Variants in SLC66A1 observed in about 807,000 individuals in gnomAD.
The protein encoded by SLC66A1 is lysosomal amino acid transporter 1 homolog.
Under a neutral mutation model 33.0 loss-of-function variants are expected in SLC66A1, and 23 were observed. The ratio of observed to expected loss-of-function variants is 0.70; its 90% CI spans 0.50 to 0.99. The LOEUF is 0.99. SLC66A1 is among the 50% of genes least tolerant of loss of function. The probability of loss-of-function intolerance (pLI) is 0.00; values close to 1 mark genes in which losing one functional copy is unlikely to be tolerated. For missense variants in SLC66A1, 335 were observed against 383.6 expected, an observed-to-expected ratio of 0.87 and a Z score of 1.06; for synonymous variants, 164 against 175.5, an observed-to-expected ratio of 0.93 and a Z score of 0.52.
In SLC66A1 at chr1:19,316,410, G is replaced by C. The variant is rs116333818; in HGVS notation, c.-78-1190G>C. ...GTGTGTGTGTTTTCTTTTAAGACAG[G>C]GTTCAGCTCTGTCGCCCAGGCTGGA... On this transcript the variant is annotated intron_variant, in intron 1 of 7. Transcript: ENST00000375153. Among the ~76,000 whole-genome samples, 656 of 149,538 alleles carry C rather than the reference G, an allele frequency of 4.4e-3. 3 individuals are homozygous for C. Among genetic ancestry groups the C allele is most frequent in the African/African-American group, 0.015 (618 of 40,502 alleles).
At chr1:19,330,126 C>T (rs2093888504), downstream of SLC66A1, among the ~76,000 whole-genome samples, 3 of 152,192 alleles carry the variant, frequency 2.0e-5, no homozygotes, top group African/African-American at 7.2e-5. Context: ...ACCACCATGC[C>T]TGGCTCCAGA....
In SLC66A1 at chr1:19,328,607, C is replaced by T. The variant is rs574416915; in HGVS notation, c.840C>T (p.Thr280=). ...AGTTCCTGGTGTACAGGCGCAGCAC[C>T]GCCGCCTCGGAGCTTGAGCCCCTCC... ...SIQFLVYRRS[T]AASELEPLLP... Residue 280 remains threonine (T), a synonymous_variant, in exon 8 of 8, where the codon ACC becomes ACT. Transcript: ENST00000375153. This position sits in a 1 kb window ranked among gnomAD's most constrained non-coding sequence, Gnocchi z 4.7. The T allele has an allele frequency of 1.1e-5, 17 of 1,613,750 alleles. No homozygotes were observed. In the South Asian group the frequency reaches 1.2e-4, roughly 11 times the overall value.
At chr1:19,323,473 C>T (rs1223763322) in intron 2 of SLC66A1, among the ~76,000 whole-genome samples, 1 of 151,462 alleles carries the variant, frequency 6.6e-6, no homozygotes, top group Non-Finnish European at 1.5e-5. Flanking sequence ...GTGGTGTGAT[C>T]TCGGCTTACT....
chr1:19,319,927 A>C (rs1267414791), intron 2 of SLC66A1, among the ~76,000 whole-genome samples: 5 of 147,994 alleles, frequency 3.4e-5, no homozygotes, highest in African/African-American at 5.0e-5. Flanking sequence ...ACAAGGTCTC[A>C]CTCTGGTCCC....
Position 19,326,231 on chromosome 1 carries a change from T to G in SLC66A1, c.383-14T>G, listed in dbSNP as rs911652660. The G allele has an allele frequency of 2.5e-6, 4 of 1,592,612 alleles. No individual in the cohort carries two copies. In the African/African-American group the frequency reaches 5.4e-5, roughly 21 times the overall value. On this transcript the variant is annotated splice_polypyrimidine_tract_variant and intron_variant, in intron 4 of 7. Coordinates refer to ENST00000375153, the MANE Select transcript of SLC66A1 (RefSeq NM_001040125.2). ...CAGCCATCTAACCTCAGCTTCCCCC[T>G]GCCTTGTGTGCAGTGTCTGCCCCCA... is the stretch of plus-strand genomic sequence containing the variant.
chr1:19,315,147 G>A (rs1219557004), intron 1 of SLC66A1, among the ~76,000 whole-genome samples: 1 of 152,216 alleles, frequency 6.6e-6, no homozygotes, highest in African/African-American at 2.4e-5. Flanking sequence ...GAGCTCAAGT[G>A]ATCCAACTGC....
intron 3 of SLC66A1, among the ~76,000 whole-genome samples, chr1:19,325,236 T>C (rs1477694645): frequency 6.6e-6 from 1 of 152,176 alleles, no homozygotes; most frequent in Non-Finnish European, 1.5e-5. Context: ...AGTCCCACTT[T>C]GTCCTGACTG....
chr1:19,316,429 G>A (rs1364072248), intron 1 of SLC66A1, among the ~76,000 whole-genome samples: 1 of 151,524 alleles, frequency 6.6e-6, no homozygotes, highest in Non-Finnish European at 1.5e-5. Flanking sequence ...CTGTCGCCCA[G>A]GCTGGAGTGC....
At chr1:19,325,889 G>A (rs2093863326) in intron 4 of SLC66A1, among the ~76,000 whole-genome samples, 1 of 152,222 alleles carries the variant, frequency 6.6e-6, no homozygotes, top group Non-Finnish European at 1.5e-5. Context: ...GGGGAAACGA[G>A]GGCAAGTCAC....
At chr1:19,333,737 A>T (rs1038100208), downstream of SLC66A1, among the ~76,000 whole-genome samples, 2 of 152,134 alleles carry the variant, frequency 1.3e-5, no homozygotes, top group Admixed American at 1.3e-4. The surrounding 1 kb of genome is among the most constrained non-coding windows in gnomAD (Gnocchi z 4.2). Context: ...GGATTGCGTA[A>T]GCTGAGTTCA....
At chr1:19,321,562 A>G (rs140268692) in intron 2 of SLC66A1, among the ~76,000 whole-genome samples, 1,694 of 139,876 alleles carry the variant, frequency 0.012, 24 homozygotes, top group Middle Eastern at 0.033. Context: ...TAGGAGTCCA[A>G]CCTCATTTTT....
chr1:19,328,083 G>A lies in SLC66A1; in HGVS notation c.805-489G>A, dbSNP rs951066499. 2.3e-5 allele frequency: 6 copies of A among 257,702 alleles called. No homozygotes were observed. Among genetic ancestry groups the A allele is most frequent in the Admixed American group, 1.5e-4 (3 of 19,386 alleles). The allele number at this position is 257,702 out of a possible 1,614,324, so 16.0% of individuals were successfully genotyped here. ...CTGGAAACACTCCCCACAGGACCCC[G>A]TTTTCAGTGAGGGCTCAGAAAGTGT... On this transcript the variant is annotated intron_variant, in intron 7 of 7. Transcript: ENST00000375153. The surrounding 1 kb of genome is among the most constrained non-coding windows in gnomAD (Gnocchi z 4.7).
intron 6 of SLC66A1, 125 bp downstream of exon 6, chr1:19,326,748 C>A: frequency 9.5e-7 from 1 of 1,047,670 alleles, no homozygotes. Flanking sequence ...TCTACTCCCG[C>A]TGTTGGCTTG....
chr1:19,319,021 C>T (rs1457491752), intron 2 of SLC66A1, among the ~76,000 whole-genome samples: 1 of 152,132 alleles, frequency 6.6e-6, no homozygotes, highest in Admixed American at 6.5e-5. Flanking sequence ...CAGGAGTCAT[C>T]AAAGGCCCTG....
intron 4 of SLC66A1, among the ~76,000 whole-genome samples, chr1:19,325,914 C>A (rs2093863453): frequency 6.6e-6 from 1 of 152,202 alleles, no homozygotes; most frequent in African/African-American, 2.4e-5. Context: ...GCTGCCTCTG[C>A]CCCAGCCTTC....
intron 6 of SLC66A1, 45 bp from the exon 7 acceptor site, chr1:19,327,182 A>G: frequency 6.6e-7 from 1 of 1,526,080 alleles, no homozygotes; most frequent in Non-Finnish European, 9.0e-7. Flanking sequence ...CCAGAGTGAC[A>G]AGAGGCCTGT....
At chr1:19,334,029 C>T (rs2093898710), downstream of SLC66A1, among the ~76,000 whole-genome samples, 1 of 152,218 alleles carries the variant, frequency 6.6e-6, no homozygotes, top group Admixed American at 6.5e-5. Flanking sequence ...CTGATAACTA[C>T]TCCTCCAGGC....
downstream of SLC66A1, among the ~76,000 whole-genome samples, chr1:19,331,607 TAA>T (rs1454360905): frequency 3.9e-5 from 6 of 152,190 alleles, no homozygotes; most frequent in African/African-American, 1.2e-4. Context: ...GATTTCAGGA[TAA>T]GTTACCCCCA....
rs1450937537 is a variant in SLC66A1 at position 19,317,632 on chromosome 1, C to G, written c.-46C>G. On this transcript the variant is annotated 5_prime_UTR_variant, in exon 2 of 8. Transcript: ENST00000375153. ...GCTGGCCTCAGAACACCAGCGCCCT[C>G]CCTCCGGTGCAGCCCTGCCTGGCCG... 2 of 1,602,400 alleles carry G rather than the reference C, an allele frequency of 1.2e-6. No homozygotes were observed. The highest frequency in any genetic ancestry group is 1.7e-6 in the Non-Finnish European group (2 of 1,173,856).
Sources: gnomAD v4.1 joint callset for allele counts (sites outside exome capture counted in the v4.1 genomes callset) on GRCh38, gnomAD v4.1.1 for gene constraint, Gnocchi (gnomAD v3.1) non-coding constraint, MANE v1.5 for transcripts, NCBI Gene and HGNC (gene_info 2026-07-23, HGNC 2026-07-21) for gene names.